Variants in BCAS3 observed in about 807,000 individuals in gnomAD.
The protein encoded by BCAS3 is BCAS3 microtubule associated cell migration factor, also known as BCAS4/BCAS3 fusion.
A neutral mutation model predicts 116.1 loss-of-function variants in BCAS3; 53 were observed. The observed-to-expected ratio is 0.46, with a 90% CI of 0.37 to 0.57. The LOEUF is 0.57. Ranked by LOEUF, BCAS3 falls within the 20% of genes least tolerant of loss-of-function variation. The pLI is 0.00. For synonymous variants in BCAS3, 391 were observed against 408.2 expected (o/e 0.96, Z 0.51); for missense variants, 917 against 1,165.4 (o/e 0.79, Z 3.10).
At chr17:60,762,836 G>A (rs1194773581) in intron 6 of BCAS3, among the ~76,000 whole-genome samples, 2 of 151,866 alleles carry the variant, frequency 1.3e-5, no homozygotes, top group African/African-American at 4.9e-5. Context: ...CATGAGCATG[G>A]AATGTTCTTC....
intron 5 of BCAS3, among the ~76,000 whole-genome samples, chr17:60,726,204 A>C (rs563001687): frequency 9.1e-6 from 1 of 109,558 alleles, no homozygotes; most frequent in Non-Finnish European, 1.9e-5. Context: ...CAGAGGGAGG[A>C]TTTTTTTTTT....
intron 22 of BCAS3, among the ~76,000 whole-genome samples, chr17:61,284,629 T>C (rs1405393279): frequency 6.6e-6 from 1 of 151,360 alleles, no homozygotes; most frequent in Non-Finnish European, 1.5e-5. Context: ...CAATTAGCAG[T>C]GCAGCCCACA....
At chr17:60,857,987 G>T (rs1367909977) in intron 7 of BCAS3, among the ~76,000 whole-genome samples, 1 of 151,968 alleles carries the variant, frequency 6.6e-6, no homozygotes, top group Admixed American at 6.6e-5. Context: ...CCAGTGAAGT[G>T]ATCGGAGTTC....
chr17:60,838,192 A>T (rs1300726810), intron 7 of BCAS3, among the ~76,000 whole-genome samples: 1 of 152,174 alleles, frequency 6.6e-6, no homozygotes, highest in East Asian at 1.9e-4. Flanking sequence ...GAAAATCACA[A>T]CATGTGCATA....
In BCAS3 at chr17:61,097,825, A is replaced by G. The variant is rs2074076095; in HGVS notation, c.2425+13261A>G. Among the ~76,000 whole-genome samples the G allele has an allele frequency of 6.6e-6, 1 of 152,220 alleles. No homozygotes were observed. Among genetic ancestry groups the G allele is most frequent in the South Asian group, 2.1e-4 (1 of 4,834 alleles). ...TACTTAAAATTACTTAAAGTGCATT[A>G]TGGTGACACCTCAGATAAGTCTAAA... On this transcript the variant is annotated intron_variant, in intron 22 of 23. Transcript: ENST00000407086. The surrounding 1 kb of genome is among the most constrained non-coding windows in gnomAD (Gnocchi z 4.0).
At chr17:61,079,856 A>G (rs1175674372) in intron 21 of BCAS3, among the ~76,000 whole-genome samples, 2 of 146,884 alleles carry the variant, frequency 1.4e-5, no homozygotes, top group African/African-American at 5.1e-5. Context: ...TTGGCCTCCC[A>G]AAATGCTGGG....
rs1327472314 is a variant in BCAS3, at chr17:61,087,680, T to C, written c.2425+3116T>C. Among the ~76,000 whole-genome samples, 3 of 152,222 alleles carry C rather than the reference T, an allele frequency of 2.0e-5. No individual in the cohort carries two copies. Among genetic ancestry groups the C allele is most frequent in the Non-Finnish European group, 4.4e-5 (3 of 68,042 alleles). On this transcript the variant is annotated intron_variant, in intron 22 of 23. Transcript: ENST00000407086. This position sits in a 1 kb window ranked among gnomAD's most constrained non-coding sequence, Gnocchi z 4.6. ...GTTCATGCTTTTGCAAAGAAACACATTGCCTAAAATACATATTTTTAAATT... is the reference window on the plus strand; with the variant it reads ...GTTCATGCTTTTGCAAAGAAACACACTGCCTAAAATACATATTTTTAAATT...
chr17:60,822,097 T>C (rs2050016259), intron 7 of BCAS3, among the ~76,000 whole-genome samples: 1 of 152,224 alleles, frequency 6.6e-6, no homozygotes, highest in Non-Finnish European at 1.5e-5. Context: ...CGTATAGACA[T>C]ACATATTTCC....
chr17:61,202,532 C>T (rs762268518), intron 22 of BCAS3, among the ~76,000 whole-genome samples: 4 of 151,276 alleles, frequency 2.6e-5, no homozygotes, highest in East Asian at 1.9e-4. Flanking sequence ...TTTTAATGGT[C>T]GAGTTTACTT....
rs559240771 is a variant in BCAS3, at chr17:61,332,745, A to T, written c.2426-35582A>T. Among the ~76,000 whole-genome samples the T allele has an allele frequency of 6.6e-6, 1 of 152,042 alleles. No individual in the cohort carries two copies. The highest frequency in any genetic ancestry group is 6.5e-5 in the Admixed American group (1 of 15,270). On this transcript the variant is annotated intron_variant, in intron 22 of 23. Transcript: ENST00000407086. The surrounding 1 kb of genome is among the most constrained non-coding windows in gnomAD (Gnocchi z 5.4). ...ATTCTCCTGCCTCAGCTTCCTGAAT[A>T]GCTGGGATTATAGGCGTCTGCCACC...
At chr17:61,067,302 T>C (rs979030577) in intron 19 of BCAS3, among the ~76,000 whole-genome samples, 11 of 134,414 alleles carry the variant, frequency 8.2e-5, no homozygotes, top group Non-Finnish European at 1.7e-4. Context: ...TATATATATA[T>C]ATATATATAT....
At chr17:60,846,077 T>C (rs896519710) in intron 7 of BCAS3, among the ~76,000 whole-genome samples, 4 of 152,028 alleles carry the variant, frequency 2.6e-5, no homozygotes, top group African/African-American at 9.7e-5. Flanking sequence ...CGTAGACATG[T>C]ACCACCATGC....
chr17:61,088,568 C>T lies in BCAS3; in HGVS notation c.2425+4004C>T, dbSNP rs2073272775. Among the ~76,000 whole-genome samples, 1 of 152,204 alleles carries T rather than the reference C, an allele frequency of 6.6e-6. No homozygotes were observed. Among genetic ancestry groups the T allele is most frequent in the Non-Finnish European group, 1.5e-5 (1 of 68,038 alleles). Reference sequence around the variant, plus strand: ...CTCTAAAGAGAAAGCAGAAAGACAGCTGTCAATGTCTTGTTGGAACTTTGT... The same window carrying T: ...CTCTAAAGAGAAAGCAGAAAGACAGTTGTCAATGTCTTGTTGGAACTTTGT... On this transcript the variant is annotated intron_variant, in intron 22 of 23. Transcript: ENST00000407086. The surrounding 1 kb of genome is among the most constrained non-coding windows in gnomAD (Gnocchi z 4.2).
intron 19 of BCAS3, among the ~76,000 whole-genome samples, chr17:61,057,243 A>T (rs1432541628): frequency 6.6e-6 from 1 of 152,194 alleles, no homozygotes; most frequent in African/African-American, 2.4e-5. Flanking sequence ...ATAGTTTTTT[A>T]AATATTCCAG....
chr17:61,028,374 T>G lies in BCAS3; in HGVS notation c.1638-6292T>G, dbSNP rs925579775. 6.6e-6 allele frequency among the ~76,000 whole-genome samples: 1 copy of G among 151,904 alleles called. No homozygotes were observed. The highest frequency in any genetic ancestry group is 1.5e-5 in the Non-Finnish European group (1 of 67,798). Reference sequence around the variant, plus strand: ...CATGAAAGTTGATCTTTATTCATTTTGTTAACCAGATGTCTTCTAAAAACA... The same window carrying G: ...CATGAAAGTTGATCTTTATTCATTTGGTTAACCAGATGTCTTCTAAAAACA... On this transcript the variant is annotated intron_variant, in intron 16 of 23. Transcript: ENST00000407086. This position sits in a 1 kb window ranked among gnomAD's most constrained non-coding sequence, Gnocchi z 4.3.
intron 13 of BCAS3, among the ~76,000 whole-genome samples, chr17:60,936,210 A>T (rs1230907245): frequency 6.6e-6 from 1 of 151,056 alleles, no homozygotes; most frequent in African/African-American, 2.5e-5. Flanking sequence ...ATGGCTGCAT[A>T]GTATTCCATG....
At chr17:61,207,252 T>C (rs1045248947) in intron 22 of BCAS3, among the ~76,000 whole-genome samples, 1 of 152,232 alleles carries the variant, frequency 6.6e-6, no homozygotes, top group Admixed American at 6.5e-5. Context: ...GTACAAGTGA[T>C]TGACATCGTT....
intron 6 of BCAS3, among the ~76,000 whole-genome samples, chr17:60,752,097 T>G (rs2042522002): frequency 6.6e-6 from 1 of 152,066 alleles, no homozygotes; most frequent in Admixed American, 6.6e-5. Context: ...CTAACTTATA[T>G]TATTATGTCC....
chr17:61,253,430 C>T (rs982592982), intron 22 of BCAS3, among the ~76,000 whole-genome samples: 12 of 151,878 alleles, frequency 7.9e-5, no homozygotes, highest in African/African-American at 2.9e-4. Flanking sequence ...GTAACATTTA[C>T]AGTGCCTGGT....
Sources: gnomAD v4.1 joint callset for allele counts (sites outside exome capture counted in the v4.1 genomes callset) on GRCh38, gnomAD v4.1.1 for gene constraint, Gnocchi (gnomAD v3.1) non-coding constraint, MANE v1.5 for transcripts, NCBI Gene and HGNC (gene_info 2026-07-23, HGNC 2026-07-21) for gene names.